The following JAZF1 variants were observed in gnomAD, a reference collection of about 807,000 sequenced individuals.
JAZF1 encodes the protein JAZF zinc finger 1.
In JAZF1, 8 loss-of-function variants were observed where a neutral mutation model predicts 26.4. The ratio of observed to expected loss-of-function variants is 0.30; its 90% confidence interval spans 0.18 to 0.55. The LOEUF (loss-of-function observed/expected upper bound fraction) is 0.55, where lower values mean the gene tolerates loss of function less well. Ranked by LOEUF, JAZF1 falls within the 20% of genes least tolerant of loss-of-function variation. JAZF1 has a pLI of 0.94. For synonymous variants in JAZF1, 126 were observed against 122.3 expected, an observed-to-expected ratio of 1.03 and a Z score of -0.20; for missense variants, 199 against 322.0, an observed-to-expected ratio of 0.62 and a Z score of 2.92.
intron 3 of JAZF1, among the ~76,000 whole-genome samples, chr7:27,881,896 G>A (rs1431724437): frequency 6.6e-6 from 1 of 152,146 alleles, no homozygotes; most frequent in East Asian, 1.9e-4. Flanking sequence ...CATGAAAACA[G>A]ATCACATGAA....
At chr7:28,092,129 T>C (rs1043807157) in intron 1 of JAZF1, among the ~76,000 whole-genome samples, 3 of 151,520 alleles carry the variant, frequency 2.0e-5, no homozygotes, top group African/African-American at 2.4e-5. Context: ...AAACACAATG[T>C]TGTATTTGTG....
intron 1 of JAZF1, among the ~76,000 whole-genome samples, chr7:28,051,176 T>TG (rs141416998): frequency 0.17 from 24,965 of 147,534 alleles, 2,491 homozygotes; most frequent in South Asian, 0.24. Flanking sequence ...CTACTATAAC[T>TG]GTTTTTTTTT....
intron 1 of JAZF1, among the ~76,000 whole-genome samples, chr7:28,140,536 C>T (rs1194865230): frequency 1.3e-5 from 2 of 151,948 alleles, no homozygotes; most frequent in African/African-American, 2.4e-5. Context: ...ACCCCAAACC[C>T]CACCGAGATT....
chr7:27,913,595 C>T (rs1056796060), intron 2 of JAZF1: 3 of 214,710 alleles, frequency 1.4e-5, no homozygotes, highest in Non-Finnish European at 3.1e-5. Context: ...TCAGAGCACA[C>T]TGGGTCAAGC....
At chr7:27,885,488 C>T (rs1783843590) in intron 3 of JAZF1, among the ~76,000 whole-genome samples, 1 of 151,718 alleles carries the variant, frequency 6.6e-6, no homozygotes, top group Non-Finnish European at 1.5e-5. Context: ...AGTGTCATTT[C>T]CCCCCATTTC....
At chr7:28,012,464 C>T (rs1583508490) in intron 1 of JAZF1, among the ~76,000 whole-genome samples, 1 of 152,166 alleles carries the variant, frequency 6.6e-6, no homozygotes, top group East Asian at 1.9e-4. Flanking sequence ...AAAAACCCCT[C>T]TTAAAGGATA....
intron 2 of JAZF1, among the ~76,000 whole-genome samples, chr7:27,972,710 A>G (rs1785395394): frequency 6.6e-6 from 1 of 152,190 alleles, no homozygotes; most frequent in Non-Finnish European, 1.5e-5. Context: ...ACCACTTAAT[A>G]GTGAAATAAA....
At chr7:28,139,889 C>A (rs150548915) in intron 1 of JAZF1, among the ~76,000 whole-genome samples, 3 of 152,142 alleles carry the variant, frequency 2.0e-5, no homozygotes, top group African/African-American at 7.2e-5. Context: ...GCCCTATGGA[C>A]AAACATGATA....
chr7:28,094,807 A>AG (rs897285511), intron 1 of JAZF1, among the ~76,000 whole-genome samples: 8 of 152,090 alleles, frequency 5.3e-5, no homozygotes, highest in African/African-American at 1.9e-4. Context: ...CTGTGGCCAG[A>AG]GGGGACCAAG....
intron 1 of JAZF1, among the ~76,000 whole-genome samples, chr7:28,079,007 T>TG (rs1308016768): frequency 1.3e-5 from 2 of 151,086 alleles, no homozygotes; most frequent in Non-Finnish European, 3.0e-5. Context: ...TTTTTTTTTT[T>TG]GAGACAGAGT....
intron 3 of JAZF1, among the ~76,000 whole-genome samples, chr7:27,893,068 T>C (rs1349277731): frequency 6.6e-6 from 1 of 152,176 alleles, no homozygotes; most frequent in Non-Finnish European, 1.5e-5. Context: ...ATGAGTCCCC[T>C]GAGATGCCCC....
chr7:27,994,822 A>G (rs939526501), intron 1 of JAZF1, among the ~76,000 whole-genome samples: 1 of 152,162 alleles, frequency 6.6e-6, no homozygotes, highest in Non-Finnish European at 1.5e-5. Flanking sequence ...GGATTTAATT[A>G]TGCTGTTGAG....
At chr7:27,866,733 C>T (rs909242972) in intron 3 of JAZF1, among the ~76,000 whole-genome samples, 1 of 152,230 alleles carries the variant, frequency 6.6e-6, no homozygotes, top group South Asian at 2.1e-4. Flanking sequence ...GTTTACATTT[C>T]GAACACACTC....
chr7:28,070,827 G>A (rs909219352), intron 1 of JAZF1, among the ~76,000 whole-genome samples: 1 of 152,216 alleles, frequency 6.6e-6, no homozygotes, highest in South Asian at 2.1e-4. Context: ...TTCTTACTAA[G>A]TCCTGAAGCA....
intron 1 of JAZF1, among the ~76,000 whole-genome samples, chr7:28,004,000 C>T (rs766880917): frequency 6.6e-6 from 1 of 152,122 alleles, no homozygotes; most frequent in Non-Finnish European, 1.5e-5. Flanking sequence ...CTCCTGCCTG[C>T]CCCTACCCAC....
chr7:28,130,296 A>AAAAAC (rs1782769480), intron 1 of JAZF1, among the ~76,000 whole-genome samples: 1 of 152,216 alleles, frequency 6.6e-6, no homozygotes, highest in Non-Finnish European at 1.5e-5. Flanking sequence ...CTACTGGAAA[A>AAAAAC]AAAACAAAAC....
At chr7:28,082,298 G>C (rs1005947560) in intron 1 of JAZF1, among the ~76,000 whole-genome samples, 1 of 152,138 alleles carries the variant, frequency 6.6e-6, no homozygotes, top group African/African-American at 2.4e-5. Flanking sequence ...TGTCTATTTG[G>C]CTTTCTCTGC....
intron 1 of JAZF1, among the ~76,000 whole-genome samples, chr7:28,014,932 A>C (rs919074320): frequency 1.2e-4 from 19 of 152,148 alleles, no homozygotes; most frequent in African/African-American, 3.9e-4. Context: ...ATTTGCAGAG[A>C]GCAGTGGTTT....
chr7:28,016,926 A>T (rs1782904086), intron 1 of JAZF1, among the ~76,000 whole-genome samples: 2 of 152,232 alleles, frequency 1.3e-5, no homozygotes, highest in South Asian at 4.1e-4. Flanking sequence ...ACAAGGGTCA[A>T]TAAGGACATC....
Sources: gnomAD v4.1 joint callset for allele counts (sites outside exome capture counted in the v4.1 genomes callset) on GRCh38, gnomAD v4.1.1 for gene constraint, MANE v1.5 for transcripts, NCBI Gene and HGNC (gene_info 2026-07-23, HGNC 2026-07-21) for gene names.